The following SPAG9 variants were observed in gnomAD, a reference collection of about 807,000 sequenced individuals.
The protein encoded by SPAG9 is C-Jun-amino-terminal kinase-interacting protein 4.
In SPAG9, 35 loss-of-function variants were observed where a neutral mutation model predicts 166.5. The observed-to-expected ratio is 0.21, with a 90% CI of 0.16 to 0.28. SPAG9 has a LOEUF of 0.28. SPAG9 is among the 10% of genes least tolerant of loss of function. The pLI, the probability that SPAG9 is intolerant of heterozygous loss-of-function variation, is 1.00. For synonymous variants in SPAG9, 534 were observed against 565.5 expected (o/e 0.94, Z 0.79); for missense variants, 1,235 against 1,603.3 (o/e 0.77, Z 3.92).
At chr17:50,972,893 G>T (rs953938137) in intron 28 of SPAG9, among the ~76,000 whole-genome samples, 1 of 152,158 alleles carries the variant, frequency 6.6e-6, no homozygotes, top group African/African-American at 2.4e-5. Flanking sequence ...AGGGCCAACT[G>T]GCCTCGCAAC....
rs546694379 is a variant in SPAG9, at chr17:51,000,108, C to A, written c.1608-391G>T. Among the ~76,000 whole-genome samples, 13 of 152,248 alleles carry A rather than the reference C, an allele frequency of 8.5e-5. 1 individual carries two copies. Among genetic ancestry groups the A allele is most frequent in the African/African-American group, 3.1e-4 (13 of 41,524 alleles). The stretch of plus-strand genomic sequence containing the variant: ...AAGTCTCTATCATCTATACTCGGAG[C>A]TCTCACAAAATAGCTTGAAACTTTG... On this transcript the variant is annotated intron_variant, in intron 13 of 29. Coordinates refer to ENST00000262013, the MANE Select transcript of SPAG9 (RefSeq NM_001130528.3).
intron 2 of SPAG9, among the ~76,000 whole-genome samples, chr17:51,063,302 C>T (rs148597202): frequency 6.6e-6 from 1 of 151,660 alleles, no homozygotes; most frequent in East Asian, 2.0e-4. Flanking sequence ...ATCTCAGCTA[C>T]TTGGGAGGCT....
chr17:51,034,534 A>G (rs1256589254), intron 5 of SPAG9, among the ~76,000 whole-genome samples: 1 of 152,224 alleles, frequency 6.6e-6, no homozygotes, highest in Admixed American at 6.5e-5. Context: ...AAAGCTAGAA[A>G]AATTTGAGAA....
At chr17:51,018,607 C>T (rs897825495) in intron 8 of SPAG9, among the ~76,000 whole-genome samples, 1 of 152,094 alleles carries the variant, frequency 6.6e-6, no homozygotes, top group South Asian at 2.1e-4. Context: ...CTTCTGAACC[C>T]ACCCAGCAGC....
At chr17:51,065,737 C>A (rs1013870597) in intron 2 of SPAG9, among the ~76,000 whole-genome samples, 1 of 152,216 alleles carries the variant, frequency 6.6e-6, no homozygotes, top group Non-Finnish European at 1.5e-5. Flanking sequence ...TAGCCTCTGA[C>A]TGACTTATAG....
intron 3 of SPAG9, among the ~76,000 whole-genome samples, chr17:51,049,209 GA>G (rs890085345): frequency 1.3e-5 from 2 of 150,156 alleles, no homozygotes; most frequent in East Asian, 3.9e-4. Context: ...ACCAGCTCTA[GA>G]AAAAAAAATA....
At chr17:51,007,742 C>A in intron 9 of SPAG9, 1 of 402,732 alleles carries the variant, frequency 2.5e-6, no homozygotes, top group Non-Finnish European at 4.8e-6. Context: ...CATCTGACCT[C>A]GTAGGCTTTT....
intron 2 of SPAG9, among the ~76,000 whole-genome samples, chr17:51,078,402 C>T (rs957921711): frequency 6.6e-6 from 1 of 152,158 alleles, no homozygotes; most frequent in African/African-American, 2.4e-5. Context: ...CTCACACACG[C>T]CCCAAGAGTG....
chr17:51,047,965 C>T (rs1054560413), intron 3 of SPAG9, among the ~76,000 whole-genome samples: 1 of 152,014 alleles, frequency 6.6e-6, no homozygotes, highest in African/African-American at 2.4e-5. Context: ...AGATCACTTT[C>T]AATTTAATTA....
At chr17:51,063,385 C>G (rs1469832315) in intron 2 of SPAG9, among the ~76,000 whole-genome samples, 3 of 148,416 alleles carry the variant, frequency 2.0e-5, no homozygotes, top group African/African-American at 7.6e-5. Context: ...GCACTCCAGC[C>G]TGGGCCACAG....
chr17:50,964,587 C>CAAA lies in SPAG9; in HGVS notation c.*1682_*1684dup, dbSNP rs373004587. On this transcript the variant is annotated 3_prime_UTR_variant, in exon 30 of 30. Coordinates refer to ENST00000262013, the MANE Select transcript of SPAG9 (RefSeq NM_001130528.3). ...TGGGCAACAGAGCCAGACTCCGTCT[C>CAAA]AAAAAAAAAAAAAAAAATCATATTT... is the stretch of plus-strand genomic sequence containing the variant. The CAAA allele has an allele frequency of 5.6e-3, 986 of 177,260 alleles. No homozygotes were observed. Among genetic ancestry groups the CAAA allele is most frequent in the South Asian group, 8.2e-3 (179 of 21,752 alleles). 11.0% of individuals were successfully genotyped at this position (177,260 alleles called of 1,614,324 possible).
At chr17:50,991,643 G>A (rs1172298986) in intron 19 of SPAG9, among the ~76,000 whole-genome samples, 6 of 148,284 alleles carry the variant, frequency 4.0e-5, no homozygotes, top group Admixed American at 6.7e-5. Context: ...TTTTTTTGGC[G>A]ACAGAGTTTC....
chr17:50,964,145 G>A lies in SPAG9; in HGVS notation c.*2127C>T, dbSNP rs1042802996. On this transcript the variant is annotated 3_prime_UTR_variant, in exon 30 of 30. Transcript: ENST00000262013. ...TTTTTACAGACATCTTTGTATAATA[G>A]TCCAGAAAAAAAAAATCAGTGGTAC... The A allele has an allele frequency of 4.7e-5, 7 of 149,202 alleles. No individual in the cohort carries two copies. Among genetic ancestry groups the A allele is most frequent in the Non-Finnish European group, 8.8e-5 (6 of 67,870 alleles). 9.2% of individuals were successfully genotyped at this position (149,202 alleles called of 1,614,324 possible).
intron 1 of SPAG9, among the ~76,000 whole-genome samples, chr17:51,086,888 C>T (rs1405078862): frequency 6.6e-6 from 1 of 152,132 alleles, no homozygotes; most frequent in Admixed American, 6.6e-5. Context: ...TGCCACTGCA[C>T]TCCAGCCTGG....
intron 21 of SPAG9, among the ~76,000 whole-genome samples, chr17:50,989,106 G>C (rs982792095): frequency 1.3e-5 from 2 of 152,092 alleles, no homozygotes; most frequent in Non-Finnish European, 2.9e-5. Context: ...CTAATATATA[G>C]TCACACACCT....
At chr17:50,973,603 C>T (rs185638804) in intron 28 of SPAG9, among the ~76,000 whole-genome samples, 55 of 152,194 alleles carry the variant, frequency 3.6e-4, no homozygotes, top group Non-Finnish European at 5.1e-4. Context: ...AGTAATTTGA[C>T]GTGTTAGCTC....
intron 5 of SPAG9, among the ~76,000 whole-genome samples, chr17:51,032,542 G>C (rs1261559595): frequency 6.6e-6 from 1 of 152,078 alleles, no homozygotes. Context: ...AGACGGATGT[G>C]TTTCTCTTAA....
Position 50,985,698 on chromosome 17 carries a change from A to T in SPAG9, c.3020T>A (p.Val1007Glu), listed in dbSNP as rs1436883787. The change falls in exon 23 of 30, where the codon GTA becomes GAA. Residue 1007 changes from valine to glutamate, a missense_variant and splice_region_variant. Val to Glu is a moderately radical substitution (Grantham distance 121). This residue lies in a region of SPAG9 where 493 missense variants were observed against 559.4 expected (regional missense o/e 0.88). Transcript: ENST00000262013. ...IKLKDSILSI[V>E]HVKGIVLVAL... ...GAAGAATTTCCAAAATAAAACTTAC[A>T]CAATACTGAGAATCGAATCTTTAAG... is the stretch of plus-strand genomic sequence containing the variant. 6.4e-7 allele frequency: 1 copy of T among 1,571,206 alleles called. No individual in the cohort carries two copies. Among genetic ancestry groups the T allele is most frequent in the Non-Finnish European group, 8.7e-7 (1 of 1,143,926 alleles).
Position 51,061,612 on chromosome 17 carries a change from C to CAAAAAAAAAAAAA in SPAG9, c.425-5143_425-5131dup, listed in dbSNP as rs34010166. Among the ~76,000 whole-genome samples, 13 of 31,726 alleles carry CAAAAAAAAAAAAA rather than the reference C, an allele frequency of 4.1e-4. 1 individual carries two copies. The highest frequency in any genetic ancestry group is 1.4e-3 in the African/African-American group (13 of 9,616). The allele number at this position is 31,726 out of a possible 152,430, so 20.8% of individuals were successfully genotyped here. A position where few individuals can be genotyped will look rare whatever the true frequency, so the allele number is the denominator to read the frequency against. Reference sequence around the variant, plus strand: ...GCAACAAGAGCGAAAGCTCTGTCTCCAAAAAAAAAAAAAAAAAAAAAAAAA... The same window carrying CAAAAAAAAAAAAA: ...GCAACAAGAGCGAAAGCTCTGTCTCCAAAAAAAAAAAAAAAAAAAAAAAAAAAAAAAAAAAAAA... On this transcript the variant is annotated intron_variant, in intron 2 of 29. Coordinates refer to ENST00000262013, the MANE Select transcript of SPAG9 (RefSeq NM_001130528.3).
Sources: allele counts gnomAD v4.1 joint callset (sites outside exome capture counted in the v4.1 genomes callset), GRCh38; gene constraint gnomAD v4.1.1; regional missense constraint gnomAD v4.1.1; transcripts MANE v1.5; gene names NCBI Gene and HGNC (gene_info 2026-07-23, HGNC 2026-07-21).